The following EBF1 variants were observed in gnomAD, a reference collection of about 807,000 sequenced individuals.
EBF1 encodes EBF transcription factor 1.
A neutral mutation model predicts 68.4 loss-of-function variants in EBF1; 10 were observed. The ratio of observed to expected loss-of-function variants is 0.15; its 90% CI spans 0.09 to 0.25. EBF1 has a LOEUF of 0.25. Among genes scored for constraint, EBF1 ranks in the 10% least tolerant of loss-of-function variants. EBF1 has a pLI of 1.00. For missense variants in EBF1, 509 were observed against 794.4 expected (o/e 0.64, Z 4.32); for synonymous variants, 298 against 299.8 (o/e 0.99, Z 0.06).
intron 6 of EBF1, among the ~76,000 whole-genome samples, chr5:158,888,136 AAG>A (rs1399966256): frequency 2.0e-5 from 3 of 152,192 alleles, no homozygotes; most frequent in African/African-American, 2.4e-5. Context: ...TTGATTAGGA[AAG>A]AGACGCCACA....
chr5:158,772,588 A>G (rs1774085948), intron 10 of EBF1, among the ~76,000 whole-genome samples: 1 of 152,150 alleles, frequency 6.6e-6, no homozygotes. Context: ...ACACTTATGC[A>G]TTTCTTTTTC....
At chr5:158,763,285 C>A (rs907115060) in intron 10 of EBF1, among the ~76,000 whole-genome samples, 3 of 152,184 alleles carry the variant, frequency 2.0e-5, no homozygotes, top group Non-Finnish European at 4.4e-5. Context: ...GTGGACCCCA[C>A]TAAGTCCCTC....
chr5:158,886,938 G>T (rs1800163827), intron 6 of EBF1, among the ~76,000 whole-genome samples: 1 of 152,122 alleles, frequency 6.6e-6, no homozygotes, highest in Admixed American at 6.5e-5. Flanking sequence ...GGAGGTGGAG[G>T]TTGCAATGAG....
At chr5:158,997,390 A>C (rs1761631343) in intron 6 of EBF1, among the ~76,000 whole-genome samples, 1 of 152,188 alleles carries the variant, frequency 6.6e-6, no homozygotes, top group Admixed American at 6.5e-5. Context: ...TACGTAGCTA[A>C]GTATTAAATA....
chr5:158,954,345 A>G (rs1436012202), intron 6 of EBF1, among the ~76,000 whole-genome samples: 1 of 152,216 alleles, frequency 6.6e-6, no homozygotes, highest in African/African-American at 2.4e-5. Flanking sequence ...TAAAATCCAA[A>G]TGTGCCAGCA....
chr5:158,948,881 A>G (rs1815404524), intron 6 of EBF1, among the ~76,000 whole-genome samples: 1 of 151,872 alleles, frequency 6.6e-6, no homozygotes, highest in Non-Finnish European at 1.5e-5. Context: ...CCCTCAGTTT[A>G]TTTTAATTAT....
intron 6 of EBF1, among the ~76,000 whole-genome samples, chr5:158,938,672 C>CGA (rs1174571456): frequency 3.9e-5 from 6 of 152,204 alleles, no homozygotes; most frequent in Middle Eastern, 3.4e-3. Context: ...GCACAAAGAA[C>CGA]GAGAGAGAGA....
intron 10 of EBF1, among the ~76,000 whole-genome samples, chr5:158,755,198 G>A (rs1334430064): frequency 6.6e-6 from 1 of 151,442 alleles, no homozygotes; most frequent in Non-Finnish European, 1.5e-5. Context: ...TATAAAGACT[G>A]CCCATTGCCC....
chr5:158,939,149 T>C (rs1206838865), intron 6 of EBF1, among the ~76,000 whole-genome samples: 1 of 152,242 alleles, frequency 6.6e-6, no homozygotes, highest in Non-Finnish European at 1.5e-5. Flanking sequence ...CACTTGGTGC[T>C]ACTCATTGGC....
intron 6 of EBF1, among the ~76,000 whole-genome samples, chr5:158,907,991 CAA>C (rs887801330): frequency 6.6e-6 from 1 of 151,640 alleles, no homozygotes; most frequent in South Asian, 2.1e-4. Context: ...AAAAGGAGTC[CAA>C]AAAAAATTAA....
chr5:158,995,795 T>C (rs188127603), intron 6 of EBF1, among the ~76,000 whole-genome samples: 6 of 152,340 alleles, frequency 3.9e-5, no homozygotes, highest in Admixed American at 3.9e-4. Context: ...GTGCACTCTG[T>C]GCTACTCCAC....
chr5:159,046,958 G>C (rs1464826882), intron 6 of EBF1, among the ~76,000 whole-genome samples: 1 of 152,194 alleles, frequency 6.6e-6, no homozygotes, highest in African/African-American at 2.4e-5. Flanking sequence ...CACAACACTG[G>C]ACAGAATCCG....
At chr5:158,712,071 G>A (rs1284899123) in intron 14 of EBF1, 83 bp downstream of exon 14, 2 of 1,525,726 alleles carry the variant, frequency 1.3e-6, no homozygotes, top group East Asian at 4.7e-5. Flanking sequence ...AGACCGAGAA[G>A]CCCTGCCCAC....
chr5:158,712,242 G>T lies in EBF1; in HGVS notation c.1461C>A (p.Ser487Arg). 6.2e-7 allele frequency: 1 copy of T among 1,614,018 alleles called. No individual in the cohort carries two copies. Among genetic ancestry groups the T allele is most frequent in the Non-Finnish European group, 8.5e-7 (1 of 1,179,948 alleles). Residue 487 changes from serine (S) to arginine (R), a missense_variant, in exon 14 of 16, where the codon AGC (serine) becomes AGA (arginine). By Grantham distance (110) the Ser-to-Arg change is moderately radical (BLOSUM62 -1). Transcript: ENST00000313708. ...QQTNYNSVTT[S>R]MNGYGSAAMS... ...TTGCGGCAGAGCCGTATCCGTTCAT[G>T]CTCGTGGTGACGGAGTTATAGTTGG...
intron 6 of EBF1, among the ~76,000 whole-genome samples, chr5:158,851,827 G>A (rs1201393343): frequency 3.1e-5 from 3 of 96,566 alleles, no homozygotes; most frequent in African/African-American, 1.3e-4. Flanking sequence ...GAATAGAAAG[G>A]AAGGGACGGG....
At chr5:158,930,324 C>T (rs1406490461) in intron 6 of EBF1, among the ~76,000 whole-genome samples, 3 of 151,272 alleles carry the variant, frequency 2.0e-5, no homozygotes, top group Admixed American at 6.6e-5. Flanking sequence ...TAACAGACCC[C>T]GCCAGAGAGG....
At chr5:158,972,883 C>A (rs1269086790) in intron 6 of EBF1, among the ~76,000 whole-genome samples, 1 of 152,228 alleles carries the variant, frequency 6.6e-6, no homozygotes, top group African/African-American at 2.4e-5. Context: ...CTCACACTGC[C>A]TTTCCTGCCC....
At chr5:158,930,140 G>A (rs770751127) in intron 6 of EBF1, among the ~76,000 whole-genome samples, 1 of 151,920 alleles carries the variant, frequency 6.6e-6, no homozygotes, top group Admixed American at 6.6e-5. Flanking sequence ...TTAGAAATAC[G>A]AAATGCAAGT....
intron 14 of EBF1, among the ~76,000 whole-genome samples, chr5:158,711,480 A>G (rs1759288622): frequency 6.6e-6 from 1 of 152,216 alleles, no homozygotes; most frequent in African/African-American, 2.4e-5. Context: ...ATGTCTCACA[A>G]CACTGGATGG....
Sources: allele counts gnomAD v4.1 joint callset (sites outside exome capture counted in the v4.1 genomes callset), GRCh38; gene constraint gnomAD v4.1.1; transcripts MANE v1.5; gene names NCBI Gene and HGNC (gene_info 2026-07-23, HGNC 2026-07-21).